DYSF: variants seen among roughly 807,000 people sequenced by gnomAD.
The protein encoded by DYSF is dystrophy-associated fer-1-like 1.
DYSF carries 212 observed loss-of-function variants against 274.9 expected under a neutral mutation model. That is an observed-to-expected ratio of 0.77 (90% CI 0.69 to 0.86). DYSF has a LOEUF of 0.86. DYSF is among the 40% of genes least tolerant of loss of function. The probability of loss-of-function intolerance (pLI) is 0.00; values close to 1 mark genes in which losing one functional copy is unlikely to be tolerated. For synonymous variants in DYSF, 1,091 were observed against 1,078.7 expected, an observed-to-expected ratio of 1.01 and a Z score of -0.22; for missense variants, 2,666 against 2,783.2, an observed-to-expected ratio of 0.96 and a Z score of 0.95.
At chr2:71,668,687 G>A in intron 48 of DYSF, 67 bp from the exon 49 acceptor site, 12 of 1,495,046 alleles carry the variant, frequency 8.0e-6, no homozygotes, top group Middle Eastern at 1.7e-4. Context: ...ATCTGGCCCA[G>A]AGCAGGTGCT....
In DYSF at chr2:71,545,811, T is replaced by C. The variant is rs1314608191; in HGVS notation, c.1577-5230T>C. 1.3e-5 allele frequency among the ~76,000 whole-genome samples: 2 copies of C among 152,140 alleles called. 1 individual carries two copies. Among genetic ancestry groups the C allele is most frequent in the East Asian group, 3.9e-4 (2 of 5,190 alleles). On this transcript the variant is annotated intron_variant, in intron 17 of 55. Transcript: ENST00000410020. ...TTTCTATGCTGTGTGAGCCCTCACCTTTCTCTGTGTCCGCATGAGTGTGTT... is the reference window on the plus strand; with the variant it reads ...TTTCTATGCTGTGTGAGCCCTCACCCTTCTCTGTGTCCGCATGAGTGTGTT...
At chr2:71,597,700 T>A (rs1225219799) in intron 32 of DYSF, among the ~76,000 whole-genome samples, 2 of 152,108 alleles carry the variant, frequency 1.3e-5, no homozygotes, top group Non-Finnish European at 2.9e-5. Flanking sequence ...GGTCCCAGGG[T>A]GGCGTGGCCA....
intron 22 of DYSF, among the ~76,000 whole-genome samples, chr2:71,560,788 G>A (rs1447819514): frequency 6.6e-6 from 1 of 152,144 alleles, no homozygotes; most frequent in Non-Finnish European, 1.5e-5. Context: ...GGGAGGTGGG[G>A]GGTGCTGCAA....
chr2:71,663,053 G>A (rs180723866), intron 45 of DYSF, among the ~76,000 whole-genome samples: 4 of 146,744 alleles, frequency 2.7e-5, no homozygotes, highest in Admixed American at 6.9e-5. Flanking sequence ...GCGCACGCGC[G>A]TGGTGTAGGG....
intron 45 of DYSF, among the ~76,000 whole-genome samples, chr2:71,662,496 ATG>A (rs889151199): frequency 4.8e-4 from 56 of 117,446 alleles, no homozygotes; most frequent in African/African-American, 1.5e-3. Context: ...ATTTGTGTGT[ATG>A]TGTGTGTATA....
intron 43 of DYSF, among the ~76,000 whole-genome samples, chr2:71,656,872 T>A (rs956043326): frequency 2.0e-5 from 3 of 152,148 alleles, no homozygotes; most frequent in Admixed American, 6.5e-5. Flanking sequence ...GGAGATACAA[T>A]TGGAGTTGAG....
In DYSF at chr2:71,629,773, T is replaced by C. The variant is rs551641883; in HGVS notation, c.4527+9164T>C. ...TAAAATGGATTTTAGAAATATCTTT[T>C]CTGTTAATTTAGGTGTTCTTACTTG... On this transcript the variant is annotated intron_variant, in intron 41 of 55. Coordinates refer to ENST00000410020, the MANE Select transcript of DYSF (RefSeq NM_001130987.2). Among the ~76,000 whole-genome samples, 3 of 152,342 alleles carry C rather than the reference T, an allele frequency of 2.0e-5. No homozygotes were observed. In the South Asian group the frequency reaches 6.2e-4, roughly 32 times the overall value.
At chr2:71,661,602 T>C (rs915118593) in intron 45 of DYSF, among the ~76,000 whole-genome samples, 7 of 152,196 alleles carry the variant, frequency 4.6e-5, no homozygotes, top group African/African-American at 1.4e-4. Context: ...GAAGAATCAA[T>C]GCCCATTGCA....
intron 30 of DYSF, among the ~76,000 whole-genome samples, chr2:71,589,040 G>A (rs1394106713): frequency 6.6e-6 from 1 of 152,158 alleles, no homozygotes; most frequent in Non-Finnish European, 1.5e-5. Flanking sequence ...CTTGGCTTCC[G>A]AGCCTGACTG....
chr2:71,556,830 C>T (rs2091373055), intron 22 of DYSF, among the ~76,000 whole-genome samples: 1 of 152,194 alleles, frequency 6.6e-6, no homozygotes, highest in Admixed American at 6.5e-5. Context: ...CTGCTCTCCA[C>T]AGGGTTAATA....
intron 33 of DYSF, among the ~76,000 whole-genome samples, chr2:71,599,019 C>T (rs1034860559): frequency 6.6e-6 from 1 of 152,230 alleles, no homozygotes; most frequent in African/African-American, 2.4e-5. Flanking sequence ...CTCTGCCTCG[C>T]CTGTGTGATC....
intron 21 of DYSF, among the ~76,000 whole-genome samples, chr2:71,555,393 C>G (rs1474979205): frequency 6.6e-6 from 1 of 151,972 alleles, no homozygotes; most frequent in African/African-American, 2.4e-5. Context: ...CCTCTCAGCT[C>G]AGGGCTGAGG....
intron 55 of DYSF, among the ~76,000 whole-genome samples, chr2:71,684,868 C>CTAGG (rs909657001): frequency 5.9e-5 from 9 of 152,204 alleles, no homozygotes; most frequent in African/African-American, 2.2e-4. Context: ...AGGGGCTGCA[C>CTAGG]TAGGTTAGCT....
At chr2:71,477,450 C>A (rs549137702) in intron 1 of DYSF, among the ~76,000 whole-genome samples, 1 of 151,872 alleles carries the variant, frequency 6.6e-6, no homozygotes, top group Non-Finnish European at 1.5e-5. Flanking sequence ...ACTAGATGAC[C>A]GCCTACTACA....
intron 41 of DYSF, among the ~76,000 whole-genome samples, chr2:71,621,881 G>A (rs6546710): frequency 0.71 from 108,408 of 151,770 alleles, 40,844 homozygotes; most frequent in East Asian, 0.87. Context: ...GTCTGGTCTC[G>A]GACTCCTGAT....
chr2:71,530,623 G>T (rs2088582181), intron 14 of DYSF, among the ~76,000 whole-genome samples: 1 of 152,174 alleles, frequency 6.6e-6, no homozygotes, highest in African/African-American at 2.4e-5. Flanking sequence ...GGAGGGAGTT[G>T]AAGAATGACC....
At position 71,545,186 on chromosome 2, in the gene DYSF, A is replaced by C. The variant is rs80040552; in HGVS notation, c.1577-5855A>C. On this transcript the variant is annotated intron_variant, in intron 17 of 55. Coordinates refer to ENST00000410020, the MANE Select transcript of DYSF (RefSeq NM_001130987.2). ...CAGGCAGAGGTGATGACATATTCCA[A>C]GGCCATGTGGCAAGAAAGAAATGAA... Among the ~76,000 whole-genome samples the C allele has an allele frequency of 4.5e-3, 682 of 152,316 alleles. 5 individuals carry two copies. Among genetic ancestry groups the C allele is most frequent in the African/African-American group, 0.016 (648 of 41,572 alleles).
rs3055157 is a variant in DYSF, at chr2:71,676,929, A to ATGTGTG, written c.5885-2111_5885-2106dup. Reference sequence around the variant, plus strand: ...GATCATGCTGAGATAATGTGTGTGTATGTGTGTGTGTGTGTGTGTGTGGTT... The same window carrying ATGTGTG: ...GATCATGCTGAGATAATGTGTGTGTATGTGTGTGTGTGTGTGTGTGTGTGTGTGGTT... On this transcript the variant is annotated intron_variant, in intron 52 of 55. Transcript: ENST00000410020. 5.0e-3 allele frequency among the ~76,000 whole-genome samples: 752 copies of ATGTGTG among 150,128 alleles called. 3 individuals are homozygous for ATGTGTG. The highest frequency in any genetic ancestry group is 6.2e-3 in the Admixed American group (94 of 15,094).
At chr2:71,664,568 T>C (rs2094961316) in intron 46 of DYSF, 130 bp downstream of exon 46, 5 of 1,106,474 alleles carry the variant, frequency 4.5e-6, no homozygotes, top group South Asian at 4.1e-5. Flanking sequence ...CATTCTCTCA[T>C]TGAGTCCAAT....
Sources: gnomAD v4.1 joint callset for allele counts (sites outside exome capture counted in the v4.1 genomes callset) on GRCh38, gnomAD v4.1.1 for gene constraint, MANE v1.5 for transcripts, NCBI Gene and HGNC (gene_info 2026-07-23, HGNC 2026-07-21) for gene names.